The following GLIS3 variants were observed in gnomAD, a reference collection of about 807,000 sequenced individuals.
GLIS3 encodes the protein GLIS family zinc finger 3.
Under a neutral mutation model 78.6 loss-of-function variants are expected in GLIS3, and 53 were observed. The observed-to-expected ratio is 0.67, with a 90% confidence interval of 0.54 to 0.85. The LOEUF (loss-of-function observed/expected upper bound fraction) is 0.85. Among genes scored for constraint, GLIS3 ranks in the 40% least tolerant of loss-of-function variants. GLIS3 has a pLI of 0.00. For synonymous variants in GLIS3, 684 were observed against 509.9 expected, an observed-to-expected ratio of 1.34 and a Z score of -4.60; for missense variants, 1,703 against 1,231.1, an observed-to-expected ratio of 1.38 and a Z score of -5.74.
chr9:4,031,650 C>G (rs1300039724), intron 4 of GLIS3, among the ~76,000 whole-genome samples: 1 of 152,110 alleles, frequency 6.6e-6, no homozygotes, highest in Non-Finnish European at 1.5e-5. Context: ...CATTTCACTT[C>G]CATTCTTAAA....
intron 2 of GLIS3, among the ~76,000 whole-genome samples, chr9:4,157,610 C>T: frequency 6.6e-6 from 1 of 152,310 alleles, no homozygotes; most frequent in South Asian, 2.1e-4. Flanking sequence ...CCTAACTCTG[C>T]TAAATTATAA....
At chr9:4,187,890 T>C (rs1817957884) in intron 2 of GLIS3, among the ~76,000 whole-genome samples, 1 of 152,034 alleles carries the variant, frequency 6.6e-6, no homozygotes, top group East Asian at 1.9e-4. Context: ...CTTAAGGACA[T>C]TTTGGGCGGA....
Position 3,928,246 on chromosome 9 carries a change from ATATTC to A in GLIS3, c.1983+4109_1983+4113del, listed in dbSNP as rs538986677. ...TGTCTGTGATATGTGCCTATTACTA[ATATTC>A]TATTAATAGTATGACTGATTTTTAA... On this transcript the variant is annotated intron_variant, in intron 6 of 10. Transcript: ENST00000381971. Among the ~76,000 whole-genome samples the A allele has an allele frequency of 1.7e-4, 26 of 152,322 alleles. No homozygotes were observed. In the East Asian group the frequency reaches 4.8e-3, roughly 28 times the overall value.
chr9:4,241,031 T>G (rs527502028), intron 2 of GLIS3, among the ~76,000 whole-genome samples: 39 of 152,320 alleles, frequency 2.6e-4, no homozygotes, highest in African/African-American at 9.1e-4. Flanking sequence ...GTGCATTTAT[T>G]ATCCTGTTCT....
intron 6 of GLIS3, among the ~76,000 whole-genome samples, chr9:3,920,194 G>A (rs1244238106): frequency 2.0e-5 from 3 of 151,894 alleles, no homozygotes; most frequent in Admixed American, 6.6e-5. Flanking sequence ...TAGTAGAGAC[G>A]GGGTTTCTCC....
chr9:3,995,032 T>C (rs1563930295), intron 4 of GLIS3, among the ~76,000 whole-genome samples: 1 of 152,172 alleles, frequency 6.6e-6, no homozygotes, highest in Non-Finnish European at 1.5e-5. Flanking sequence ...AGTATGGGTC[T>C]AGATTTGGAT....
At chr9:4,469,775 T>G in the GLIS3 span, among the ~76,000 whole-genome samples, 1 of 151,786 alleles carries the variant, frequency 6.6e-6, no homozygotes, top group Non-Finnish European at 1.5e-5. Context: ...AAGCAAGAAA[T>G]AACTAAGATC....
the GLIS3 span, among the ~76,000 whole-genome samples, chr9:4,468,908 C>T: frequency 2.6e-5 from 4 of 152,092 alleles, no homozygotes; most frequent in Non-Finnish European, 5.9e-5. Flanking sequence ...CCTGCAGAGA[C>T]ACATATAGGC....
chr9:4,277,361 C>A (rs1454931107), intron 2 of GLIS3, among the ~76,000 whole-genome samples: 1 of 152,186 alleles, frequency 6.6e-6, no homozygotes, highest in Non-Finnish European at 1.5e-5. Flanking sequence ...TAGATTAAAA[C>A]CAATTGAAAT....
At chr9:4,082,693 C>A (rs1828658646) in intron 4 of GLIS3, among the ~76,000 whole-genome samples, 1 of 152,284 alleles carries the variant, frequency 6.6e-6, no homozygotes, top group South Asian at 2.1e-4. Context: ...AAGATGAACC[C>A]TGAAATCTGA....
chr9:4,296,434 TA>T (rs1816512914), intron 1 of GLIS3, among the ~76,000 whole-genome samples: 1 of 152,186 alleles, frequency 6.6e-6, no homozygotes. Context: ...CAGGCTATTT[TA>T]GCTCAGTAGG....
At chr9:4,156,907 G>C (rs948108004) in intron 2 of GLIS3, among the ~76,000 whole-genome samples, 2 of 152,096 alleles carry the variant, frequency 1.3e-5, no homozygotes, top group Non-Finnish European at 1.5e-5. Flanking sequence ...CATCATCCTG[G>C]AGCTTGTCAG....
the GLIS3 span, among the ~76,000 whole-genome samples, chr9:4,460,959 T>C: frequency 1.3e-5 from 2 of 152,206 alleles, no homozygotes; most frequent in African/African-American, 2.4e-5. Flanking sequence ...TGAAGACAGA[T>C]GGGAGAAAAT....
chr9:4,125,396 C>G (rs539797075), intron 3 of GLIS3, among the ~76,000 whole-genome samples: 1 of 152,146 alleles, frequency 6.6e-6, no homozygotes, highest in Non-Finnish European at 1.5e-5. Context: ...ATGGACCATG[C>G]AAATTTGCTA....
At chr9:4,235,468 G>T (rs1464046975) in intron 2 of GLIS3, among the ~76,000 whole-genome samples, 1 of 152,164 alleles carries the variant, frequency 6.6e-6, no homozygotes, top group African/African-American at 2.4e-5. Flanking sequence ...CAGTCATTCA[G>T]CCATGCTGGA....
chr9:4,029,554 A>G (rs893889912), intron 4 of GLIS3, among the ~76,000 whole-genome samples: 3 of 152,010 alleles, frequency 2.0e-5, no homozygotes, highest in African/African-American at 7.2e-5. Flanking sequence ...CATTCTTTCT[A>G]TTTTTTTGGA....
At chr9:4,264,710 A>T (rs1487506169) in intron 2 of GLIS3, among the ~76,000 whole-genome samples, 1 of 152,098 alleles carries the variant, frequency 6.6e-6, no homozygotes, top group African/African-American at 2.4e-5. Context: ...TCTGAAACCC[A>T]TTATTCTGCT....
At chr9:3,943,834 A>C (rs1421331264) in intron 4 of GLIS3, among the ~76,000 whole-genome samples, 1 of 152,210 alleles carries the variant, frequency 6.6e-6, no homozygotes, top group Non-Finnish European at 1.5e-5. Flanking sequence ...TATCCAGATT[A>C]TCTGGAACTA....
At chr9:4,001,564 G>A (rs565614828) in intron 4 of GLIS3, among the ~76,000 whole-genome samples, 2 of 152,254 alleles carry the variant, frequency 1.3e-5, no homozygotes, top group Non-Finnish European at 2.9e-5. Flanking sequence ...AGCTGTGTTT[G>A]TAAACGTGTT....
Sources: gnomAD v4.1 joint callset for allele counts (sites outside exome capture counted in the v4.1 genomes callset) on GRCh38, gnomAD v4.1.1 for gene constraint, MANE v1.5 for transcripts, NCBI Gene and HGNC (gene_info 2026-07-23, HGNC 2026-07-21) for gene names.